Variants in MAP1A observed in about 807,000 individuals in gnomAD.
MAP1A encodes microtubule associated protein 1A.
Under a neutral mutation model 185.9 loss-of-function variants are expected in MAP1A, and 42 were observed. The observed-to-expected ratio is 0.23, with a 90% confidence interval of 0.18 to 0.29. The LOEUF (loss-of-function observed/expected upper bound fraction) is 0.29. MAP1A is among the 10% of genes least tolerant of loss of function. The probability of loss-of-function intolerance (pLI) is 1.00; values close to 1 mark genes in which losing one functional copy is unlikely to be tolerated. For synonymous variants in MAP1A, 1,229 were observed against 1,335.9 expected, an observed-to-expected ratio of 0.92 and a Z score of 1.74; for missense variants, 2,995 against 3,450.4, an observed-to-expected ratio of 0.87 and a Z score of 3.31.
rs2079356172 is a variant in MAP1A, at chr15:43,528,508, G to A, written c.7035G>A (p.Glu2345=). 1.2e-6 allele frequency: 2 copies of A among 1,613,460 alleles called. No homozygotes were observed. Among genetic ancestry groups the A allele is most frequent in the Admixed American group, 1.7e-5 (1 of 60,006 alleles). ...TGGAGTGCTCAGAGGCAGCCACGGA[G>A]AAGCCAAGCCCCTTCCAGGTTCCCT... is the stretch of plus-strand genomic sequence containing the variant. ...CHLECSEAAT[E]KPSPFQVPSE... is the part of the protein sequence containing the mutation. The change falls in exon 4 of 6, where the codon GAG becomes GAA. Residue 2345 remains glutamate, a synonymous_variant. Coordinates refer to ENST00000300231, the MANE Select transcript of MAP1A (RefSeq NM_002373.6).
Position 43,525,657 on chromosome 15 carries a change from A to G in MAP1A, c.4184A>G (p.His1395Arg). The change falls in exon 4 of 6, where the codon CAT (histidine) becomes CGT (arginine). Residue 1395 changes from histidine (H) to arginine (R), a missense_variant. His to Arg is a conservative substitution (Grantham distance 29). Transcript: ENST00000300231. The part of the protein sequence containing the change: ...TAIYQKDEAL[H>R]VKNEAVKQQD... ...ATCTATCAGAAAGATGAGGCTCTGC[A>G]TGTAAAGAATGAGGCTGTGAAACAG... 2 of 1,614,128 alleles carry G rather than the reference A, an allele frequency of 1.2e-6. No individual in the cohort carries two copies. Among genetic ancestry groups the G allele is most frequent in the Middle Eastern group, 1.6e-4 (1 of 6,062 alleles).
Position 43,525,273 on chromosome 15 carries a change from C to T in MAP1A, c.3800C>T (p.Thr1267Ile), listed in dbSNP as rs775403002. 2 of 1,614,230 alleles carry T rather than the reference C, an allele frequency of 1.2e-6. No homozygotes were observed. Among genetic ancestry groups the T allele is most frequent in the East Asian group, 4.5e-5 (2 of 44,886 alleles). Residue 1267 changes from threonine (T) to isoleucine (I), a missense_variant, in exon 4 of 6, where the codon ACA becomes ATA. This residue lies in a region of MAP1A where 2,728 missense variants were observed against 2,986.0 expected (regional missense o/e 0.91). Coordinates refer to ENST00000300231, the MANE Select transcript of MAP1A (RefSeq NM_002373.6). Reference protein sequence around the residue: ...EPHAATASPPTDGTTRYSAQT... With the variant: ...EPHAATASPPIDGTTRYSAQT... ...CATGCAGCCACAGCGTCACCTCCCACAGATGGGACAACTCGATACTCTGCA... is the reference window on the plus strand; with the variant it reads ...CATGCAGCCACAGCGTCACCTCCCATAGATGGGACAACTCGATACTCTGCA...
Position 43,525,404 on chromosome 15 carries a change from A to G in MAP1A, c.3931A>G (p.Ser1311Gly). 1 of 1,614,134 alleles carries G rather than the reference A, an allele frequency of 6.2e-7. No homozygotes were observed. The highest frequency in any genetic ancestry group is 8.5e-7 in the Non-Finnish European group (1 of 1,180,030). ...NGKYLPGAIT[S>G]PDEHILTPDS... Reference sequence around the variant, plus strand: ...GAAGTACTTACCTGGGGCGATCACAAGCCCTGATGAACACATTCTGACACC... The same window carrying G: ...GAAGTACTTACCTGGGGCGATCACAGGCCCTGATGAACACATTCTGACACC... Residue 1311 changes from serine to glycine, a missense_variant, in exon 4 of 6, where the codon AGC becomes GGC. Coordinates refer to ENST00000300231, the MANE Select transcript of MAP1A (RefSeq NM_002373.6).
Position 43,528,891 on chromosome 15 carries a change from T to C in MAP1A, c.7418T>C (p.Leu2473Pro), listed in dbSNP as rs1595651400. The change falls in exon 4 of 6, where the codon CTA becomes CCA. Residue 2473 changes from leucine to proline, a missense_variant. This residue lies in a region of MAP1A where 2,728 missense variants were observed against 2,986.0 expected (regional missense o/e 0.91). Transcript: ENST00000300231. The stretch of plus-strand genomic sequence containing the variant: ...GACCTCTCAACTGAGGAAGTTCGGC[T>C]AGTAGGAAGAGGGGGGCGGCGCCGG... ...DRDLSTEEVR[L>P]VGRGGRRRVG... 1 of 1,612,794 alleles carries C rather than the reference T, an allele frequency of 6.2e-7. No homozygotes were observed. The highest frequency in any genetic ancestry group is 8.5e-7 in the Non-Finnish European group (1 of 1,179,760).
In MAP1A at chr15:43,524,708, A is replaced by G; in HGVS notation, c.3235A>G (p.Ile1079Val). 6.2e-7 allele frequency: 1 copy of G among 1,614,102 alleles called. No individual in the cohort carries two copies. Among genetic ancestry groups the G allele is most frequent in the Non-Finnish European group, 8.5e-7 (1 of 1,179,992 alleles). Residue 1079 changes from isoleucine to valine, a missense_variant, in exon 4 of 6, where the codon ATT becomes GTT. By Grantham distance (29) the Ile-to-Val change is conservative (BLOSUM62 3). Coordinates refer to ENST00000300231, the MANE Select transcript of MAP1A (RefSeq NM_002373.6). The stretch of plus-strand genomic sequence containing the variant: ...CCAGGCCCAGGAAGCACCTGTCAAC[A>G]TTGATGAGGGGCTTACAGGCTGTAC... ...SPQAQEAPVN[I>V]DEGLTGCTIQ...
At chr15:43,517,919 C>T (rs891618135) in intron 1 of MAP1A, among the ~76,000 whole-genome samples, 1 of 152,206 alleles carries the variant, frequency 6.6e-6, no homozygotes, top group Non-Finnish European at 1.5e-5. Context: ...TGACAGTCCA[C>T]CTCTCCAGCT....
At position 43,523,603 on chromosome 15, in the gene MAP1A, C is replaced by G. The variant is rs760146507; in HGVS notation, c.2130C>G (p.Ala710=). 24 of 1,613,956 alleles carry G rather than the reference C, an allele frequency of 1.5e-5. No individual in the cohort carries two copies. The highest frequency in any genetic ancestry group is 1.6e-4 in the Middle Eastern group (1 of 6,080). ...GGGAATTGGGACTCCAGGGCAAGGC[C>G]CCTGAGAAGGAGACCTCGTTATTCC... ...GGRELGLQGK[A]PEKETSLFLS... The change falls in exon 4 of 6, where the codon GCC becomes GCG. Residue 710 remains alanine, a synonymous_variant. Transcript: ENST00000300231.
intron 1 of MAP1A, among the ~76,000 whole-genome samples, chr15:43,519,817 G>A (rs1464420383): frequency 2.0e-5 from 3 of 152,182 alleles, no homozygotes; most frequent in East Asian, 1.9e-4. Context: ...CCCCATGCCC[G>A]TGGTAGAGGC....
chr15:43,521,070 CT>C lies in MAP1A; in HGVS notation c.-192del. ...GAGACCTCATCCTACAGAGTGGCAC[CT>C]ACTCATATGAAAACTTTGCCCAGGT... is the stretch of plus-strand genomic sequence containing the variant. On this transcript the variant is annotated 5_prime_UTR_variant, in exon 3 of 6. Transcript: ENST00000300231. The surrounding 1 kb of genome is among the most constrained non-coding windows in gnomAD (Gnocchi z 4.6). 6.5e-7 allele frequency: 1 copy of C among 1,550,154 alleles called. No individual in the cohort carries two copies. Among genetic ancestry groups the C allele is most frequent in the Non-Finnish European group, 8.7e-7 (1 of 1,146,984 alleles).
In MAP1A at chr15:43,528,097, C is replaced by A; in HGVS notation, c.6624C>A (p.Pro2208=). ...GDRALALAPG[P]PTRTRHDEYL... ...GAGCTCTGGCTCTGGCTCCAGGACCCCCCACCAGAACCCGGCATGATGAAT... is the reference window on the plus strand; with the variant it reads ...GAGCTCTGGCTCTGGCTCCAGGACCACCCACCAGAACCCGGCATGATGAAT... Residue 2208 remains proline (P), a synonymous_variant, in exon 4 of 6, where the codon CCC becomes CCA. Coordinates refer to ENST00000300231, the MANE Select transcript of MAP1A (RefSeq NM_002373.6). The A allele has an allele frequency of 6.2e-7, 1 of 1,614,054 alleles. No homozygotes were observed. Among genetic ancestry groups the A allele is most frequent in the Non-Finnish European group, 8.5e-7 (1 of 1,180,002 alleles).
chr15:43,526,747 C>T lies in MAP1A; in HGVS notation c.5274C>T (p.Phe1758=), dbSNP rs1388877392. 1.2e-6 allele frequency: 2 copies of T among 1,614,008 alleles called. No individual in the cohort carries two copies. Among genetic ancestry groups the T allele is most frequent in the East Asian group, 2.2e-5 (1 of 44,892 alleles). The change falls in exon 4 of 6, where the codon TTC becomes TTT. Residue 1758 remains phenylalanine, a synonymous_variant. Coordinates refer to ENST00000300231, the MANE Select transcript of MAP1A (RefSeq NM_002373.6). This position sits in a 1 kb window ranked among gnomAD's most constrained non-coding sequence, Gnocchi z 4.7. The part of the protein sequence containing the change: ...RSPWASDFKD[F]QESSPQKGLE... ...CCTGGGCCTCAGACTTCAAGGATTTCCAGGAATCCTCACCACAGAAGGGGC... is the reference window on the plus strand; with the variant it reads ...CCTGGGCCTCAGACTTCAAGGATTTTCAGGAATCCTCACCACAGAAGGGGC...
At position 43,525,220 on chromosome 15, in the gene MAP1A, C is replaced by T; in HGVS notation, c.3747C>T (p.His1249=). The T allele has an allele frequency of 3.1e-6, 5 of 1,614,134 alleles. No individual in the cohort carries two copies. Among genetic ancestry groups the T allele is most frequent in the Non-Finnish European group, 4.2e-6 (5 of 1,180,020 alleles). The change falls in exon 4 of 6, where the codon CAC becomes CAT. Residue 1249 remains histidine, a synonymous_variant. Transcript: ENST00000300231. The part of the protein sequence containing the change: ...HLMQAEDTSH[H]TAPMSVPEPH... The stretch of plus-strand genomic sequence containing the variant: ...TGCAGGCCGAGGATACCTCTCACCA[C>T]ACAGCTCCCATGTCTGTTCCAGAGC...
At position 43,525,689 on chromosome 15, in the gene MAP1A, A is replaced by G. The variant is rs2079340227; in HGVS notation, c.4216A>G (p.Lys1406Glu). The change falls in exon 4 of 6, where the codon AAG (lysine) becomes GAG (glutamate). Residue 1406 changes from lysine to glutamate, a missense_variant. By Grantham distance (56) the Lys-to-Glu change is moderately conservative. This residue lies in a region of MAP1A where 2,728 missense variants were observed against 2,986.0 expected (regional missense o/e 0.91). Coordinates refer to ENST00000300231, the MANE Select transcript of MAP1A (RefSeq NM_002373.6). ...GAATGAGGCTGTGAAACAGCAGGAT[A>G]AGGCTTTAGAACAAAAGGGCAGAGA... is the stretch of plus-strand genomic sequence containing the variant. ...VKNEAVKQQDKALEQKGRDLE... is the reference protein window; with the variant it reads ...VKNEAVKQQDEALEQKGRDLE... The G allele has an allele frequency of 6.2e-7, 1 of 1,614,040 alleles. No individual in the cohort carries two copies. Among genetic ancestry groups the G allele is most frequent in the East Asian group, 2.2e-5 (1 of 44,906 alleles).
chr15:43,512,133 C>G, intron 1 of MAP1A: 5 of 981,426 alleles, frequency 5.1e-6, no homozygotes, highest in Non-Finnish European at 8.0e-6. Context: ...TTCCTGCAGT[C>G]TCACCACCCT....
Position 43,521,325 on chromosome 15 carries a change from T to C in MAP1A, c.-149T>C. On this transcript the variant is annotated splice_region_variant and 5_prime_UTR_variant, in exon 4 of 6. Coordinates refer to ENST00000300231, the MANE Select transcript of MAP1A (RefSeq NM_002373.6). This position sits in a 1 kb window ranked among gnomAD's most constrained non-coding sequence, Gnocchi z 4.6. ...GGTTTCTATCTCCTATTCTTCTAGA[T>C]TTCCCAATTGCTCAGCAATAGAGAC... 3 of 1,606,450 alleles carry C rather than the reference T, an allele frequency of 1.9e-6. No homozygotes were observed. Among genetic ancestry groups the C allele is most frequent in the Non-Finnish European group, 2.5e-6 (3 of 1,177,116 alleles).
In MAP1A at chr15:43,525,908, G is replaced by A. The variant is rs757246181; in HGVS notation, c.4435G>A (p.Glu1479Lys). ...KALEPKDKDL[E>K]QKDRVLEQKE... is the part of the protein sequence containing the mutation. Reference sequence around the variant, plus strand: ...CCTGGAACCAAAAGATAAAGACTTGGAACAAAAGGACAGGGTCCTAGAACA... The same window carrying A: ...CCTGGAACCAAAAGATAAAGACTTGAAACAAAAGGACAGGGTCCTAGAACA... Residue 1479 changes from glutamate to lysine, a missense_variant, in exon 4 of 6, where the codon GAA becomes AAA. Around this residue, in one of 3 missense-constraint regions of MAP1A, gnomAD observed 2,728 missense variants for 2,986.0 expected, o/e 0.91. Transcript: ENST00000300231. 1.2e-5 allele frequency: 19 copies of A among 1,613,496 alleles called. No homozygotes were observed. Among genetic ancestry groups the A allele is most frequent in the Non-Finnish European group, 1.4e-5 (16 of 1,179,690 alleles).
rs1456533185 is a variant in MAP1A, at chr15:43,529,767, C to G, written c.8153C>G (p.Ser2718Cys). 1 of 1,614,184 alleles carries G rather than the reference C, an allele frequency of 6.2e-7. No homozygotes were observed. The highest frequency in any genetic ancestry group is 2.2e-5 in the East Asian group (1 of 44,876). ...GACTTCTTCCGTCGAGTGCGTGCAT[C>G]CTACTATGTGGTCAGTGGGAATGAC... ...DLDFFRRVRA[S>C]YYVVSGNDPA... The change falls in exon 5 of 6, where the codon TCC becomes TGC. Residue 2718 changes from serine to cysteine, a missense_variant. Ser to Cys is a moderately radical substitution (Grantham distance 112, BLOSUM62 -1). Transcript: ENST00000300231. This position sits in a 1 kb window ranked among gnomAD's most constrained non-coding sequence, Gnocchi z 4.3.
Position 43,529,770 on chromosome 15 carries a change from A to T in MAP1A, c.8156A>T (p.Tyr2719Phe). The T allele has an allele frequency of 6.2e-7, 1 of 1,613,996 alleles. No individual in the cohort carries two copies. The highest frequency in any genetic ancestry group is 8.5e-7 in the Non-Finnish European group (1 of 1,179,996). The change falls in exon 5 of 6, where the codon TAC becomes TTC. Residue 2719 changes from tyrosine (Y) to phenylalanine (F), a missense_variant. Tyr to Phe is a conservative substitution (Grantham distance 22). This residue lies in a region of MAP1A where 2,728 missense variants were observed against 2,986.0 expected (regional missense o/e 0.91). Coordinates refer to ENST00000300231, the MANE Select transcript of MAP1A (RefSeq NM_002373.6). This position sits in a 1 kb window ranked among gnomAD's most constrained non-coding sequence, Gnocchi z 4.3. Reference sequence around the variant, plus strand: ...TTCTTCCGTCGAGTGCGTGCATCCTACTATGTGGTCAGTGGGAATGACCCT... The same window carrying T: ...TTCTTCCGTCGAGTGCGTGCATCCTTCTATGTGGTCAGTGGGAATGACCCT... The part of the protein sequence containing the change: ...LDFFRRVRAS[Y>F]YVVSGNDPAN...
chr15:43,517,545 C>T (rs2079302035), upstream of MAP1A: 1 of 248,036 alleles, frequency 4.0e-6, no homozygotes, highest in Admixed American at 6.5e-5. Flanking sequence ...ACCAGCCCCT[C>T]TTCCCCGCCC....
Sources: allele counts gnomAD v4.1 joint callset (sites outside exome capture counted in the v4.1 genomes callset), GRCh38; gene constraint gnomAD v4.1.1; regional missense constraint gnomAD v4.1.1; non-coding constraint Gnocchi (gnomAD v3.1); transcripts MANE v1.5; gene names NCBI Gene and HGNC (gene_info 2026-07-23, HGNC 2026-07-21).